The following GRB10 variants were observed in gnomAD, a reference collection of about 807,000 sequenced individuals.
GRB10 encodes growth factor receptor-bound protein 10.
A neutral mutation model predicts 80.9 loss-of-function variants in GRB10; 20 were observed. The observed-to-expected ratio is 0.25, with a 90% CI of 0.17 to 0.36. The LOEUF (loss-of-function observed/expected upper bound fraction) is 0.36. GRB10 is among the 10% of genes least tolerant of loss of function. The pLI is 1.00. For synonymous variants in GRB10, 291 were observed against 291.5 expected (o/e 1.00, Z 0.02); for missense variants, 548 against 747.7 (o/e 0.73, Z 3.12).
intron 13 of GRB10, among the ~76,000 whole-genome samples, chr7:50,608,556 T>C (rs1390562586): frequency 2.0e-5 from 3 of 152,238 alleles, no homozygotes; most frequent in East Asian, 3.8e-4. Context: ...AGGTTTTATA[T>C]ATATGACAAG....
At chr7:50,706,494 AC>A (rs1311641588) in intron 4 of GRB10, among the ~76,000 whole-genome samples, 1 of 151,856 alleles carries the variant, frequency 6.6e-6, no homozygotes, top group Non-Finnish European at 1.5e-5. Context: ...TCACACACTC[AC>A]CCTTCTACCC....
At chr7:50,672,635 A>G (rs1017607842) in intron 6 of GRB10, among the ~76,000 whole-genome samples, 1 of 152,210 alleles carries the variant, frequency 6.6e-6, no homozygotes, top group Admixed American at 6.5e-5. Context: ...TAGCGCAGGT[A>G]GTCCCGGGGC....
chr7:50,661,722 C>G (rs906754265), intron 7 of GRB10, among the ~76,000 whole-genome samples: 9 of 152,190 alleles, frequency 5.9e-5, no homozygotes, highest in African/African-American at 2.2e-4. Flanking sequence ...CCACAACCAA[C>G]TCACTGGGGC....
At chr7:50,614,388 C>G (rs1563159841) in intron 12 of GRB10, among the ~76,000 whole-genome samples, 1 of 152,166 alleles carries the variant, frequency 6.6e-6, no homozygotes. Flanking sequence ...CACACAGAAG[C>G]CATCAGCTCA....
At chr7:50,787,308 G>C (rs948209713), upstream of GRB10, among the ~76,000 whole-genome samples, 6 of 151,618 alleles carry the variant, frequency 4.0e-5, no homozygotes, top group South Asian at 1.2e-3. Flanking sequence ...GCCAGGAATC[G>C]CAATCTATTG....
In GRB10 at chr7:50,665,503, A is replaced by G. The variant is rs905872105; in HGVS notation, c.504+4219T>C. 2.0e-5 allele frequency among the ~76,000 whole-genome samples: 3 copies of G among 152,248 alleles called. No individual in the cohort carries two copies. The East Asian group carries it at 5.8e-4, about 29-fold the overall frequency. ...GGAAGTGCCTGGGTTTACTGGCTCC[A>G]GATTTCCATGCTTCCACCAAGGGTC... On this transcript the variant is annotated intron_variant, in intron 7 of 18. Transcript: ENST00000401949.
chr7:50,636,683 C>T (rs1021138770), intron 7 of GRB10, among the ~76,000 whole-genome samples: 1 of 152,034 alleles, frequency 6.6e-6, no homozygotes, highest in East Asian at 1.9e-4. Context: ...TACAACACCC[C>T]TTCATGAAAA....
chr7:50,767,989 C>T (rs551426731), intron 2 of GRB10, among the ~76,000 whole-genome samples: 1 of 152,292 alleles, frequency 6.6e-6, no homozygotes, highest in East Asian at 1.9e-4. Flanking sequence ...CTCAGGTAAT[C>T]ATCTGCCTCC....
intron 3 of GRB10, among the ~76,000 whole-genome samples, chr7:50,736,383 C>T (rs920626132): frequency 2.0e-5 from 3 of 152,230 alleles, no homozygotes; most frequent in African/African-American, 7.2e-5. Flanking sequence ...GACTAACATA[C>T]ACCAATGAAA....
chr7:50,704,295 G>A (rs1327448199), intron 4 of GRB10, among the ~76,000 whole-genome samples: 2 of 152,128 alleles, frequency 1.3e-5, no homozygotes, highest in Admixed American at 6.5e-5. Context: ...CTATTACCTG[G>A]GACAGAAACA....
Position 50,648,122 on chromosome 7 carries a change from C to G in GRB10, c.505-21144G>C, listed in dbSNP as rs116392928. 4.1e-4 allele frequency among the ~76,000 whole-genome samples: 62 copies of G among 152,106 alleles called. No individual in the cohort carries two copies. The East Asian group carries it at 0.011, about 26-fold the overall frequency. On this transcript the variant is annotated intron_variant, in intron 7 of 18. Coordinates refer to ENST00000401949, the MANE Select transcript of GRB10 (RefSeq NM_001350814.2). ...AGATGGAAAGCTGAGGGAATGGCCA[C>G]GGCTGTCCAGGGAGGGAGCGCAGAG...
intron 3 of GRB10, among the ~76,000 whole-genome samples, chr7:50,754,212 A>G (rs1429925764): frequency 6.6e-6 from 1 of 152,142 alleles, no homozygotes; most frequent in East Asian, 1.9e-4. Flanking sequence ...AAGACGAGGG[A>G]CCCAGCTGCC....
Position 50,683,418 on chromosome 7 carries a change from A to G in GRB10, c.140-8760T>C, listed in dbSNP as rs1288848583. Among the ~76,000 whole-genome samples, 3 of 152,238 alleles carry G rather than the reference A, an allele frequency of 2.0e-5. No individual in the cohort carries two copies. The East Asian group carries it at 5.8e-4, about 29-fold the overall frequency. Reference sequence around the variant, plus strand: ...TTGTGCAACCATGTGAACGTTCTTAATGCCATTGAAATGTGCATTTAAAAA... The same window carrying G: ...TTGTGCAACCATGTGAACGTTCTTAGTGCCATTGAAATGTGCATTTAAAAA... On this transcript the variant is annotated intron_variant, in intron 5 of 18. Coordinates refer to ENST00000401949, the MANE Select transcript of GRB10 (RefSeq NM_001350814.2).
intron 4 of GRB10, among the ~76,000 whole-genome samples, chr7:50,704,358 T>C (rs2064725348): frequency 6.6e-6 from 1 of 152,238 alleles, no homozygotes; most frequent in South Asian, 2.1e-4. Flanking sequence ...AGGAGCTCAG[T>C]GGCATTTTTT....
At chr7:50,601,914 CAT>C (rs2047682673) in intron 17 of GRB10, among the ~76,000 whole-genome samples, 2 of 152,118 alleles carry the variant, frequency 1.3e-5, no homozygotes, top group Non-Finnish European at 2.9e-5. Flanking sequence ...AATCAAATAC[CAT>C]TAATGCTAGC....
chr7:50,712,294 G>T (rs914066411), intron 4 of GRB10, among the ~76,000 whole-genome samples: 1 of 152,186 alleles, frequency 6.6e-6, no homozygotes, highest in Non-Finnish European at 1.5e-5. Context: ...CAAGAGGAAA[G>T]GAAGCAAGAG....
intron 7 of GRB10, among the ~76,000 whole-genome samples, chr7:50,650,865 G>A (rs1248648958): frequency 8.0e-6 from 1 of 124,776 alleles, no homozygotes; most frequent in East Asian, 2.3e-4. Flanking sequence ...AAAAATCAAG[G>A]GATAGAGAGA....
intron 5 of GRB10, among the ~76,000 whole-genome samples, chr7:50,675,603 G>T (rs947992406): frequency 6.6e-6 from 1 of 152,226 alleles, no homozygotes; most frequent in Non-Finnish European, 1.5e-5. Context: ...CAAGGGGAAA[G>T]ATGGAATTCT....
chr7:50,610,435 G>C (rs374281574), intron 13 of GRB10, among the ~76,000 whole-genome samples: 1 of 152,210 alleles, frequency 6.6e-6, no homozygotes, highest in African/African-American at 2.4e-5. Flanking sequence ...TAGTACCTAA[G>C]ACGTATCCTT....
Sources: gnomAD v4.1 joint callset for allele counts (sites outside exome capture counted in the v4.1 genomes callset) on GRCh38, gnomAD v4.1.1 for gene constraint, MANE v1.5 for transcripts, NCBI Gene and HGNC (gene_info 2026-07-23, HGNC 2026-07-21) for gene names.